Variants in HCRTR2 observed in about 807,000 individuals in gnomAD.
HCRTR2 encodes the protein hypocretin receptor 2.
A neutral mutation model predicts 49.0 loss-of-function variants in HCRTR2; 22 were observed. That is an observed-to-expected ratio of 0.45 (90% CI 0.32 to 0.64). The LOEUF (loss-of-function observed/expected upper bound fraction) is 0.64, where lower values mean the gene tolerates loss of function less well. HCRTR2 is among the 30% of genes least tolerant of loss of function. HCRTR2 has a pLI of 0.04. For missense variants in HCRTR2, 491 were observed against 559.4 expected, an observed-to-expected ratio of 0.88 and a Z score of 1.23; for synonymous variants, 236 against 205.3, an observed-to-expected ratio of 1.15 and a Z score of -1.28.
intron 1 of HCRTR2, among the ~76,000 whole-genome samples, chr6:55,221,687 C>T (rs1414266591): frequency 6.6e-6 from 1 of 151,962 alleles, no homozygotes; most frequent in Non-Finnish European, 1.5e-5. Context: ...GTGGTGGGCG[C>T]CTGTAGTCCC....
chr6:55,284,280 T>C (rs571993183), downstream of HCRTR2, among the ~76,000 whole-genome samples: 11 of 152,252 alleles, frequency 7.2e-5, no homozygotes, highest in East Asian at 7.7e-4. Flanking sequence ...GCAGCAGTTA[T>C]GTGACGTATG....
intron 1 of HCRTR2, among the ~76,000 whole-genome samples, chr6:55,138,393 G>T (rs1342075364): frequency 6.6e-6 from 1 of 152,140 alleles, no homozygotes; most frequent in Non-Finnish European, 1.5e-5. Context: ...AGGTGAACTT[G>T]ATCAAATTAA....
At chr6:55,270,898 A>C (rs937356264) in intron 4 of HCRTR2, among the ~76,000 whole-genome samples, 9 of 152,168 alleles carry the variant, frequency 5.9e-5, no homozygotes, top group Non-Finnish European at 1.3e-4. Context: ...AAACTTAAAG[A>C]AGGACTACCT....
At chr6:55,218,927 G>C (rs1765839345) in intron 1 of HCRTR2, among the ~76,000 whole-genome samples, 1 of 152,118 alleles carries the variant, frequency 6.6e-6, no homozygotes, top group African/African-American at 2.4e-5. Context: ...AGACTCAAGT[G>C]ATTCTCCCAC....
chr6:55,236,649 T>C (rs571966718), intron 1 of HCRTR2, among the ~76,000 whole-genome samples: 2 of 152,250 alleles, frequency 1.3e-5, no homozygotes, highest in African/African-American at 4.8e-5. Flanking sequence ...ATATTAACTT[T>C]TGAGAATTTA....
chr6:55,140,007 T>C (rs1040795623), intron 1 of HCRTR2, among the ~76,000 whole-genome samples: 7 of 152,210 alleles, frequency 4.6e-5, no homozygotes, highest in African/African-American at 1.7e-4. Flanking sequence ...AAGTGAGCCA[T>C]GGTGGTTTAG....
At chr6:55,261,858 G>GA (rs1018746353) in intron 3 of HCRTR2, among the ~76,000 whole-genome samples, 1 of 152,036 alleles carries the variant, frequency 6.6e-6, no homozygotes, top group African/African-American at 2.4e-5. Flanking sequence ...TTCGCAAATG[G>GA]AAAAATATAG....
intron 1 of HCRTR2, among the ~76,000 whole-genome samples, chr6:55,200,376 T>A (rs555084830): frequency 6.6e-6 from 1 of 151,982 alleles, no homozygotes; most frequent in Non-Finnish European, 1.5e-5. Context: ...GTGATTCTCC[T>A]GCCTCAGCCT....
At chr6:55,210,439 A>G (rs566427441) in intron 1 of HCRTR2, among the ~76,000 whole-genome samples, 1 of 152,222 alleles carries the variant, frequency 6.6e-6, no homozygotes, top group East Asian at 1.9e-4. Flanking sequence ...AGGGGTGGAC[A>G]TCTGGCCTGG....
At chr6:55,166,212 T>C (rs1764876072) in intron 1 of HCRTR2, among the ~76,000 whole-genome samples, 1 of 152,126 alleles carries the variant, frequency 6.6e-6, no homozygotes, top group African/African-American at 2.4e-5. Context: ...TGATGTTTTT[T>C]GGATTCACTT....
At chr6:55,192,403 G>A (rs897334039) in intron 1 of HCRTR2, among the ~76,000 whole-genome samples, 9 of 104,434 alleles carry the variant, frequency 8.6e-5, no homozygotes, top group East Asian at 3.2e-4. Flanking sequence ...ACACACACAC[G>A]CGCGCGCGCG....
At chr6:55,182,811 T>C (rs1296302358) in intron 1 of HCRTR2, among the ~76,000 whole-genome samples, 2 of 152,230 alleles carry the variant, frequency 1.3e-5, no homozygotes, top group East Asian at 1.9e-4. Context: ...TTGTCAGTCA[T>C]GGTCATATTC....
At chr6:55,206,386 T>C (rs1304274805) in intron 1 of HCRTR2, among the ~76,000 whole-genome samples, 1 of 152,082 alleles carries the variant, frequency 6.6e-6, no homozygotes, top group African/African-American at 2.4e-5. Flanking sequence ...CCTGAGAAAT[T>C]TCTTCGTCTC....
chr6:55,228,901 A>T (rs1473359702), intron 1 of HCRTR2, among the ~76,000 whole-genome samples: 2 of 152,210 alleles, frequency 1.3e-5, no homozygotes. Flanking sequence ...AGCTATTGAC[A>T]ACTTTTCAGC....
At chr6:55,199,837 A>G (rs1038534138) in intron 1 of HCRTR2, among the ~76,000 whole-genome samples, 4 of 152,242 alleles carry the variant, frequency 2.6e-5, no homozygotes, top group Admixed American at 2.0e-4. Flanking sequence ...TGAAAAATAT[A>G]TAAGGGAAGG....
downstream of HCRTR2, among the ~76,000 whole-genome samples, chr6:55,284,581 G>A (rs12665239): frequency 0.037 from 5,565 of 152,024 alleles, 665 homozygotes; most frequent in East Asian, 0.3. Flanking sequence ...CTACAACAGG[G>A]GCCACCATCA....
intron 1 of HCRTR2, among the ~76,000 whole-genome samples, chr6:55,197,972 C>A (rs962308718): frequency 6.6e-6 from 1 of 152,154 alleles, no homozygotes; most frequent in East Asian, 1.9e-4. Context: ...AGCTGTAACT[C>A]TAATTGTAAA....
intron 1 of HCRTR2, among the ~76,000 whole-genome samples, chr6:55,136,091 T>G (rs1192998721): frequency 3.3e-5 from 5 of 152,202 alleles, no homozygotes; most frequent in African/African-American, 1.2e-4. Flanking sequence ...GATTAGGGAA[T>G]AGGGTTTAAC....
rs376630816 is a variant in HCRTR2, at chr6:55,221,620, T to C, written c.224-27019T>C. Among the ~76,000 whole-genome samples, 85 of 151,994 alleles carry C rather than the reference T, an allele frequency of 5.6e-4. 2 individuals carry two copies. In the East Asian group the frequency reaches 8.0e-3, roughly 14 times the overall value. On this transcript the variant is annotated intron_variant, in intron 1 of 6. Transcript: ENST00000370862. ...CGAGGTCAGAAGATCGAGACCATCC[T>C]GGCTAACACAGTGAAACCCCGTCTC...
Sources: allele counts gnomAD v4.1 joint callset (sites outside exome capture counted in the v4.1 genomes callset), GRCh38; gene constraint gnomAD v4.1.1; transcripts MANE v1.5; gene names NCBI Gene and HGNC (gene_info 2026-07-23, HGNC 2026-07-21).